EYS: variants seen among roughly 807,000 people sequenced by gnomAD.
EYS encodes EGF-like photoreceptor maintenance factor, also known as protein eyes shut homolog.
EYS carries 250 observed loss-of-function variants against 282.1 expected under a neutral mutation model. That is an observed-to-expected ratio of 0.89 (90% CI 0.80 to 0.98). EYS has a LOEUF of 0.98. EYS is among the 50% of genes least tolerant of loss of function. EYS has a pLI of 0.00. For missense variants in EYS, 4,016 were observed against 3,709.0 expected, an observed-to-expected ratio of 1.08 and a Z score of -2.15; for synonymous variants, 1,355 against 1,282.9, an observed-to-expected ratio of 1.06 and a Z score of -1.20.
At chr6:65,330,476 G>C (rs1769754258) in intron 11 of EYS, 1 of 984,188 alleles carries the variant, frequency 1.0e-6, no homozygotes, top group Non-Finnish European at 1.2e-6. Flanking sequence ...GTATGATTTA[G>C]TCTTTGGCTC....
intron 35 of EYS, among the ~76,000 whole-genome samples, chr6:63,869,365 CTTCT>C (rs780046152): frequency 6.6e-6 from 1 of 151,870 alleles, no homozygotes; most frequent in African/African-American, 2.4e-5. Flanking sequence ...TTCCCTCTTC[CTTCT>C]TTCTTTCTCT....
intron 26 of EYS, among the ~76,000 whole-genome samples, chr6:64,585,848 C>T (rs1766218434): frequency 6.6e-6 from 1 of 151,936 alleles, no homozygotes. Flanking sequence ...TCTTATTTGG[C>T]CTTGTTTGGA....
chr6:64,381,167 C>T (rs1014649454), intron 29 of EYS, among the ~76,000 whole-genome samples: 1 of 151,994 alleles, frequency 6.6e-6, no homozygotes, highest in Non-Finnish European at 1.5e-5. Context: ...TACTAACTTT[C>T]TTTATACTAA....
At chr6:65,334,909 G>C in intron 11 of EYS, 71 bp downstream of exon 11, 1 of 1,421,794 alleles carries the variant, frequency 7.0e-7, no homozygotes, top group Non-Finnish European at 9.8e-7. Context: ...CCATGAAACA[G>C]TTCGATGACT....
chr6:63,937,636 C>T (rs1765112425), intron 35 of EYS, among the ~76,000 whole-genome samples: 1 of 151,880 alleles, frequency 6.6e-6, no homozygotes, highest in Non-Finnish European at 1.5e-5. Flanking sequence ...TCGCCTCGGC[C>T]TCCCAAAGGG....
intron 27 of EYS, among the ~76,000 whole-genome samples, chr6:64,438,583 T>A (rs948131188): frequency 1.3e-5 from 2 of 151,606 alleles, no homozygotes; most frequent in Non-Finnish European, 3.0e-5. Context: ...TGGTAACAAT[T>A]ATTATCATTG....
chr6:65,630,063 G>C (rs1439928526), intron 2 of EYS, among the ~76,000 whole-genome samples: 1 of 152,082 alleles, frequency 6.6e-6, no homozygotes, highest in African/African-American at 2.4e-5. Flanking sequence ...GTGAAATTAG[G>C]GTCTAATCAA....
intron 31 of EYS, among the ~76,000 whole-genome samples, chr6:64,224,004 T>C (rs907213958): frequency 1.3e-5 from 2 of 152,032 alleles, no homozygotes; most frequent in African/African-American, 4.8e-5. Flanking sequence ...TATAATTCAG[T>C]TTTTCTGTGA....
At chr6:63,930,166 T>C (rs762462869) in intron 35 of EYS, among the ~76,000 whole-genome samples, 2 of 152,286 alleles carry the variant, frequency 1.3e-5, no homozygotes, top group South Asian at 2.1e-4. Context: ...AAGTGATGGA[T>C]GTATTACTTA....
chr6:64,958,474 G>A (rs574706335), intron 14 of EYS, among the ~76,000 whole-genome samples: 220 of 152,100 alleles, frequency 1.4e-3, no homozygotes, highest in Admixed American at 4.7e-3. Context: ...CAGGCCGGGC[G>A]CGGTGGCTCA....
At chr6:63,978,307 C>A (rs1766938210) in intron 35 of EYS, among the ~76,000 whole-genome samples, 1 of 151,880 alleles carries the variant, frequency 6.6e-6, no homozygotes, top group South Asian at 2.1e-4. Flanking sequence ...CAAGGGCTGC[C>A]CACAGTGGGA....
intron 26 of EYS, among the ~76,000 whole-genome samples, chr6:64,473,063 C>T (rs931402480): frequency 2.6e-5 from 4 of 152,036 alleles, no homozygotes; most frequent in Non-Finnish European, 5.9e-5. Context: ...TACTATCCAG[C>T]ATTTATTAGT....
chr6:64,187,686 C>A (rs1218619273), intron 31 of EYS, among the ~76,000 whole-genome samples: 1 of 151,982 alleles, frequency 6.6e-6, no homozygotes, highest in Non-Finnish European at 1.5e-5. Flanking sequence ...CTATAATTTT[C>A]TTTATCATTT....
intron 31 of EYS, among the ~76,000 whole-genome samples, chr6:64,118,112 A>C (rs1316384513): frequency 6.6e-6 from 1 of 152,062 alleles, no homozygotes; most frequent in African/African-American, 2.4e-5. Context: ...AAATGACTGC[A>C]TTTCCCCAGG....
intron 28 of EYS, among the ~76,000 whole-genome samples, chr6:64,417,112 G>A (rs1774080281): frequency 1.3e-5 from 2 of 152,100 alleles, no homozygotes; most frequent in Admixed American, 6.6e-5. Flanking sequence ...GGACACAGTG[G>A]TATGATAATT....
At chr6:65,035,161 G>A (rs557408578) in intron 13 of EYS, among the ~76,000 whole-genome samples, 51 of 152,052 alleles carry the variant, frequency 3.4e-4, no homozygotes, top group Non-Finnish European at 6.2e-4. Context: ...AACACTCATC[G>A]TCACTTCATG....
At chr6:64,073,692 A>G (rs767228262) in intron 32 of EYS, among the ~76,000 whole-genome samples, 4 of 151,794 alleles carry the variant, frequency 2.6e-5, no homozygotes, top group East Asian at 3.9e-4. Context: ...AGTAATCCAT[A>G]TGTCATATTA....
At chr6:63,936,542 G>A (rs1050924084) in intron 35 of EYS, among the ~76,000 whole-genome samples, 1 of 152,170 alleles carries the variant, frequency 6.6e-6, no homozygotes, top group African/African-American at 2.4e-5. Flanking sequence ...CATGACTGCT[G>A]TTTAGCAGGC....
intron 41 of EYS, among the ~76,000 whole-genome samples, chr6:63,739,949 CA>C (rs1177534822): frequency 2.0e-5 from 3 of 151,544 alleles, no homozygotes; most frequent in Non-Finnish European, 4.4e-5. Context: ...CCACCCACCT[CA>C]GCCTCCCAAA....
Sources: gnomAD v4.1 joint callset for allele counts (sites outside exome capture counted in the v4.1 genomes callset) on GRCh38, gnomAD v4.1.1 for gene constraint, MANE v1.5 for transcripts, NCBI Gene and HGNC (gene_info 2026-07-23, HGNC 2026-07-21) for gene names.